ERO1B: variants seen among roughly 807,000 people sequenced by gnomAD.
The protein encoded by ERO1B is ERO1-like protein beta.
ERO1B carries 49 observed loss-of-function variants against 75.3 expected under a neutral mutation model. That is an observed-to-expected ratio of 0.65 (90% CI 0.52 to 0.83). ERO1B has a LOEUF of 0.83. ERO1B is among the 40% of genes least tolerant of loss of function. The probability of loss-of-function intolerance (pLI) is 0.00; values close to 1 mark genes in which losing one functional copy is unlikely to be tolerated. For missense variants in ERO1B, 512 were observed against 560.1 expected, an observed-to-expected ratio of 0.91 and a Z score of 0.87; for synonymous variants, 191 against 192.9, an observed-to-expected ratio of 0.99 and a Z score of 0.08.
intron 9 of ERO1B, among the ~76,000 whole-genome samples, chr1:236,231,960 A>AC (rs1479990219): frequency 6.6e-6 from 1 of 152,206 alleles, no homozygotes; most frequent in African/African-American, 2.4e-5. Context: ...GGGTCTCTTT[A>AC]CTGTCTCCCC....
intron 6 of ERO1B, among the ~76,000 whole-genome samples, chr1:236,239,616 C>T (rs1664632356): frequency 6.6e-6 from 1 of 151,688 alleles, no homozygotes; most frequent in Non-Finnish European, 1.5e-5. Flanking sequence ...AAACTTGTCT[C>T]AGTTTGCACA....
intron 6 of ERO1B, among the ~76,000 whole-genome samples, chr1:236,239,490 A>T (rs12025742): frequency 6.6e-6 from 1 of 151,954 alleles, no homozygotes; most frequent in African/African-American, 2.4e-5. Context: ...ATCCAGAGTG[A>T]GCAACGTGTG....
rs749859713 is a variant in ERO1B, at chr1:236,220,785, G to C, written c.1343+47C>G. 32 of 1,470,094 alleles carry C rather than the reference G, an allele frequency of 2.2e-5. 1 individual carries two copies. The South Asian group carries it at 5.0e-4, about 23-fold the overall frequency. 91.1% of individuals were successfully genotyped at this position (1,470,094 alleles called of 1,614,324 possible). A position where few individuals can be genotyped will look rare whatever the true frequency, so the allele number is the denominator to read the frequency against. ...AAGAAGATTATCTTTGCAGTTTGTT[G>C]AAACCCAATGGGAAATCAAAAATCT... is the stretch of plus-strand genomic sequence containing the variant. On this transcript the variant is annotated intron_variant, in intron 15 of 15. Transcript: ENST00000354619.
chr1:236,229,371 G>A (rs929532655), intron 10 of ERO1B, among the ~76,000 whole-genome samples: 3 of 151,696 alleles, frequency 2.0e-5, no homozygotes, highest in Admixed American at 6.6e-5. Context: ...GTTGCAGTGA[G>A]CCGAGATGGC....
In ERO1B at chr1:236,215,370, T is replaced by A. The variant is rs12046588; in HGVS notation, c.*3146A>T. On this transcript the variant is annotated 3_prime_UTR_variant, in exon 16 of 16. Coordinates refer to ENST00000354619, the MANE Select transcript of ERO1B (RefSeq NM_019891.4). Reference sequence around the variant, plus strand: ...TATTGTGAAGATTAACGGTGTATTCTTTTAAAGCCAAACTATGCATGTAAA... The same window carrying A: ...TATTGTGAAGATTAACGGTGTATTCATTTAAAGCCAAACTATGCATGTAAA... Among the ~76,000 whole-genome samples the A allele has an allele frequency of 0.23, 35,099 of 152,124 alleles. 5,769 individuals are homozygous for A. The highest frequency in any genetic ancestry group is 0.46 in the African/African-American group (19,258 of 41,454).
At chr1:236,250,629 T>A (rs1665002519) in intron 4 of ERO1B, among the ~76,000 whole-genome samples, 1 of 117,594 alleles carries the variant, frequency 8.5e-6, no homozygotes, top group Admixed American at 9.0e-5. Flanking sequence ...CAAACGTGTG[T>A]GTGCAAACAT....
chr1:236,252,168 G>T, intron 3 of ERO1B, 77 bp from the exon 4 acceptor site: 3 of 881,706 alleles, frequency 3.4e-6, no homozygotes, highest in Non-Finnish European at 5.7e-6. Context: ...AATTGTCAAT[G>T]CATTGCTCTA....
At chr1:236,278,028 T>C (rs959186945) in intron 1 of ERO1B, among the ~76,000 whole-genome samples, 2 of 152,212 alleles carry the variant, frequency 1.3e-5, no homozygotes, top group African/African-American at 4.8e-5. Context: ...ATCTGATTCA[T>C]GGTGCCCTGT....
chr1:236,216,423 A>G lies in ERO1B; in HGVS notation c.*2093T>C, dbSNP rs1009005227. Reference sequence around the variant, plus strand: ...AAGAAATAAAAACACATACACAAAAATGTAGGCTGCCCCTACAATCTAATT... The same window carrying G: ...AAGAAATAAAAACACATACACAAAAGTGTAGGCTGCCCCTACAATCTAATT... On this transcript the variant is annotated 3_prime_UTR_variant, in exon 16 of 16. Transcript: ENST00000354619. The G allele has an allele frequency of 3.3e-5, 5 of 152,180 alleles. No homozygotes were observed. The highest frequency in any genetic ancestry group is 7.4e-5 in the Non-Finnish European group (5 of 68,004). 9.4% of individuals were successfully genotyped at this position (152,180 alleles called of 1,614,324 possible). A position where few individuals can be genotyped will look rare whatever the true frequency, so the allele number is the denominator to read the frequency against.
chr1:236,278,435 G>A (rs182162553), intron 1 of ERO1B, among the ~76,000 whole-genome samples: 4 of 152,020 alleles, frequency 2.6e-5, no homozygotes, highest in African/African-American at 9.6e-5. Flanking sequence ...TATGGTGGAG[G>A]CTCCTATTAG....
chr1:236,264,327 T>C (rs1558520418), intron 2 of ERO1B, among the ~76,000 whole-genome samples: 1 of 152,152 alleles, frequency 6.6e-6, no homozygotes, highest in Non-Finnish European at 1.5e-5. Context: ...CAGACTAGTC[T>C]CGAACTCCTG....
chr1:236,236,284 C>T lies in ERO1B; in HGVS notation c.620G>A (p.Cys207Tyr). 1 of 1,602,696 alleles carries T rather than the reference C, an allele frequency of 6.2e-7. No homozygotes were observed. Among genetic ancestry groups the T allele is most frequent in the South Asian group, 1.1e-5 (1 of 90,926 alleles). ...RVWNSIYEEN[C>Y]FKPRSVYRPL... ...CCCCACCCCCTCCAGTTACTTGAAA[C>T]AGTTCTCTTCATAGATGCTGTTCCA... Residue 207 changes from cysteine to tyrosine, a missense_variant, in exon 7 of 16, where the codon TGT (cysteine) becomes TAT (tyrosine). Transcript: ENST00000354619.
chr1:236,234,891 T>C (rs1254259733), intron 8 of ERO1B, among the ~76,000 whole-genome samples: 3 of 152,222 alleles, frequency 2.0e-5, no homozygotes, highest in Non-Finnish European at 4.4e-5. Flanking sequence ...TGCTGTTCCA[T>C]TGAAATATAA....
At chr1:236,263,352 G>A (rs565546166) in intron 2 of ERO1B, among the ~76,000 whole-genome samples, 2 of 152,026 alleles carry the variant, frequency 1.3e-5, no homozygotes, top group East Asian at 1.9e-4. Context: ...AGGTTCAAAC[G>A]ATTCTCCCAC....
intron 7 of ERO1B, 52 bp from the exon 8 acceptor site, chr1:236,235,887 G>T: frequency 6.7e-7 from 1 of 1,485,620 alleles, no homozygotes; most frequent in Non-Finnish European, 9.2e-7. Flanking sequence ...CTTTTATAGT[G>T]TATAATTTTA....
rs773706001 is a variant in ERO1B at position 236,236,277 on chromosome 1, C to T, written c.626+1G>A. Reference sequence around the variant, plus strand: ...CTTCTTCCCCCACCCCCTCCAGTTACTTGAAACAGTTCTCTTCATAGATGC... The same window carrying T: ...CTTCTTCCCCCACCCCCTCCAGTTATTTGAAACAGTTCTCTTCATAGATGC... On this transcript the variant is annotated splice_donor_variant, in intron 7 of 15. Coordinates refer to ENST00000354619, the MANE Select transcript of ERO1B (RefSeq NM_019891.4). LOFTEE classifies it high-confidence loss of function. 28 of 1,611,292 alleles carry T rather than the reference C, an allele frequency of 1.7e-5. No homozygotes were observed. The highest frequency in any genetic ancestry group is 3.3e-5 in the Admixed American group (2 of 59,894).
chr1:236,225,665 T>C (rs1052951877), intron 12 of ERO1B, among the ~76,000 whole-genome samples: 2 of 152,260 alleles, frequency 1.3e-5, no homozygotes, highest in Non-Finnish European at 2.9e-5. Context: ...CCAGGCGCGA[T>C]GGCCCATGCC....
chr1:236,281,353 G>C (rs376141755), intron 1 of ERO1B: 1 of 207,882 alleles, frequency 4.8e-6, no homozygotes, highest in Non-Finnish European at 9.6e-6. Flanking sequence ...AGCCGAGGTG[G>C]TTCATGCCCG....
chr1:236,226,262 T>C lies in ERO1B; in HGVS notation c.1052+7A>G. The C allele has an allele frequency of 6.2e-7, 1 of 1,612,646 alleles. No individual in the cohort carries two copies. The highest frequency in any genetic ancestry group is 1.1e-5 in the South Asian group (1 of 90,870). On this transcript the variant is annotated splice_region_variant and intron_variant, in intron 12 of 15. Transcript: ENST00000354619. ...AGAATTTCAAATCACGGATAGTCAATTCTTACTTTGTATCTTGAAAGATAT... is the reference window on the plus strand; with the variant it reads ...AGAATTTCAAATCACGGATAGTCAACTCTTACTTTGTATCTTGAAAGATAT...
Sources: allele counts gnomAD v4.1 joint callset (sites outside exome capture counted in the v4.1 genomes callset), GRCh38; gene constraint gnomAD v4.1.1; transcripts MANE v1.5; gene names NCBI Gene and HGNC (gene_info 2026-07-23, HGNC 2026-07-21).